Variants in FSTL5 observed in about 807,000 individuals in gnomAD.
The protein encoded by FSTL5 is follistatin like 5.
FSTL5 carries 62 observed loss-of-function variants against 89.1 expected under a neutral mutation model. The observed-to-expected ratio is 0.70, with a 90% CI of 0.57 to 0.86. FSTL5 has a LOEUF of 0.86. Among genes scored for constraint, FSTL5 ranks in the 40% least tolerant of loss-of-function variants. The pLI is 0.00. For missense variants in FSTL5, 1,057 were observed against 1,001.6 expected (o/e 1.06, Z -0.75); for synonymous variants, 383 against 346.2 (o/e 1.11, Z -1.18).
chr4:161,574,574 C>T (rs1733145625), intron 8 of FSTL5, among the ~76,000 whole-genome samples: 1 of 152,072 alleles, frequency 6.6e-6, no homozygotes, highest in East Asian at 1.9e-4. Flanking sequence ...CATGTGTTTT[C>T]ATTGTTCAAC....
intron 4 of FSTL5, among the ~76,000 whole-genome samples, chr4:161,862,121 T>C (rs1443333465): frequency 6.6e-6 from 1 of 152,230 alleles, no homozygotes; most frequent in Admixed American, 6.5e-5. Flanking sequence ...ATAGATAAAG[T>C]GTCTTTGATA....
intron 7 of FSTL5, among the ~76,000 whole-genome samples, chr4:161,613,542 G>T (rs1422734325): frequency 6.6e-6 from 1 of 152,042 alleles, no homozygotes; most frequent in Non-Finnish European, 1.5e-5. Context: ...GGAAGAGGGC[G>T]ATTAGATAGT....
At chr4:161,779,052 C>T (rs926793133) in intron 4 of FSTL5, among the ~76,000 whole-genome samples, 4 of 152,044 alleles carry the variant, frequency 2.6e-5, no homozygotes, top group Non-Finnish European at 4.4e-5. Context: ...TGAATGTTGG[C>T]GAGAGATGGA....
chr4:161,753,658 G>A (rs1403512308), intron 6 of FSTL5, among the ~76,000 whole-genome samples: 3 of 152,020 alleles, frequency 2.0e-5, no homozygotes. Context: ...AGAAGCTTTC[G>A]ATAAGTAATA....
At chr4:161,827,146 C>T (rs920368540) in intron 4 of FSTL5, among the ~76,000 whole-genome samples, 2 of 152,146 alleles carry the variant, frequency 1.3e-5, no homozygotes, top group Non-Finnish European at 2.9e-5. Context: ...CCACAGGGTG[C>T]TCCCTTGATG....
intron 3 of FSTL5, among the ~76,000 whole-genome samples, chr4:161,922,612 G>A (rs1401240007): frequency 1.3e-5 from 2 of 151,778 alleles, no homozygotes; most frequent in African/African-American, 2.4e-5. Flanking sequence ...CCCAGGTGAT[G>A]GTGATATTTC....
chr4:162,077,663 A>T (rs1729922950), intron 2 of FSTL5, among the ~76,000 whole-genome samples: 1 of 151,870 alleles, frequency 6.6e-6, no homozygotes, highest in African/African-American at 2.4e-5. Context: ...AATTAAAAAA[A>T]TAACTAGAGA....
At chr4:161,609,524 G>T (rs552418402) in intron 7 of FSTL5, among the ~76,000 whole-genome samples, 2 of 152,134 alleles carry the variant, frequency 1.3e-5, no homozygotes, top group Non-Finnish European at 2.9e-5. Context: ...ATTTTATTTA[G>T]AGATGATTAT....
intron 3 of FSTL5, among the ~76,000 whole-genome samples, chr4:161,996,115 G>A (rs1200639879): frequency 1.3e-5 from 2 of 152,180 alleles, no homozygotes; most frequent in Non-Finnish European, 2.9e-5. Flanking sequence ...TCAATCTGGA[G>A]AATAATTGTA....
At chr4:161,611,393 A>G (rs1044658194) in intron 7 of FSTL5, among the ~76,000 whole-genome samples, 1 of 151,582 alleles carries the variant, frequency 6.6e-6, no homozygotes, top group African/African-American at 2.4e-5. Context: ...TCATTCATAT[A>G]TTATGCACAC....
chr4:161,753,838 C>T (rs1008965408), intron 6 of FSTL5, among the ~76,000 whole-genome samples: 1 of 151,704 alleles, frequency 6.6e-6, no homozygotes, highest in Non-Finnish European at 1.5e-5. Context: ...GTCGGGAGAT[C>T]GAGACCGTCC....
intron 6 of FSTL5, among the ~76,000 whole-genome samples, chr4:161,721,426 A>G (rs1359954747): frequency 1.3e-5 from 2 of 152,092 alleles, no homozygotes; most frequent in African/African-American, 4.8e-5. Context: ...GGAGTTGATT[A>G]ATATATTAAT....
At chr4:161,923,638 T>C (rs1351795365) in intron 3 of FSTL5, among the ~76,000 whole-genome samples, 2 of 151,818 alleles carry the variant, frequency 1.3e-5, no homozygotes, top group African/African-American at 2.4e-5. Flanking sequence ...TTTAAGAGTC[T>C]GATCATTTTA....
intron 2 of FSTL5, among the ~76,000 whole-genome samples, chr4:162,059,977 G>T (rs1191852954): frequency 6.6e-6 from 1 of 152,118 alleles, no homozygotes; most frequent in Non-Finnish European, 1.5e-5. Context: ...TACTTGAAGA[G>T]AAACGAATTG....
At chr4:161,669,017 C>T (rs1272094592) in intron 6 of FSTL5, among the ~76,000 whole-genome samples, 1 of 146,434 alleles carries the variant, frequency 6.8e-6, no homozygotes, top group East Asian at 2.0e-4. Context: ...GAGGCCGAGG[C>T]AGAAGAATTG....
At chr4:161,640,273 G>T (rs1735904694) in intron 7 of FSTL5, among the ~76,000 whole-genome samples, 1 of 152,096 alleles carries the variant, frequency 6.6e-6, no homozygotes, top group Non-Finnish European at 1.5e-5. Flanking sequence ...ACATGTATAT[G>T]AAGAAATGGG....
intron 10 of FSTL5, among the ~76,000 whole-genome samples, chr4:161,520,432 G>A (rs116208889): frequency 0.015 from 2,292 of 151,736 alleles, 47 homozygotes; most frequent in African/African-American, 0.052. Flanking sequence ...TTATTATCAG[G>A]ATAAAAATTG....
At chr4:161,584,563 GT>G (rs1429435668) in intron 8 of FSTL5, among the ~76,000 whole-genome samples, 1 of 152,194 alleles carries the variant, frequency 6.6e-6, no homozygotes, top group Non-Finnish European at 1.5e-5. Flanking sequence ...CTACTGCAAA[GT>G]TCTCTCTTTA....
chr4:162,084,702 T>C (rs1243163527), intron 2 of FSTL5, among the ~76,000 whole-genome samples: 1 of 151,950 alleles, frequency 6.6e-6, no homozygotes, highest in East Asian at 1.9e-4. Context: ...ATGTTCTCAC[T>C]CATAAGTGAG....
Sources: allele counts gnomAD v4.1 joint callset (sites outside exome capture counted in the v4.1 genomes callset), GRCh38; gene constraint gnomAD v4.1.1; transcripts MANE v1.5; gene names NCBI Gene and HGNC (gene_info 2026-07-23, HGNC 2026-07-21).